Variants in OR56A3 observed in about 807,000 individuals in gnomAD.
The protein encoded by OR56A3 is olfactory receptor family 56 subfamily A member 3.
In OR56A3, 23 loss-of-function variants were observed where a neutral mutation model predicts 17.5. The ratio of observed to expected loss-of-function variants is 1.32; its 90% CI spans 0.95 to 1.87. The LOEUF (loss-of-function observed/expected upper bound fraction) is 1.87. Ranked by LOEUF, OR56A3 falls within the 40% of genes most tolerant of loss-of-function variation. The pLI, the probability that OR56A3 is intolerant of heterozygous loss-of-function variation, is 0.00. For synonymous variants in OR56A3, 175 were observed against 150.6 expected (o/e 1.16, Z -1.19); for missense variants, 366 against 380.1 (o/e 0.96, Z 0.31).
rs1188988929 is a variant in OR56A3 at position 5,944,808 on chromosome 11, G to T, written c.-311G>T. 1 of 152,186 alleles carries T rather than the reference G, an allele frequency of 6.6e-6. No individual in the cohort carries two copies. The highest frequency in any genetic ancestry group is 6.5e-5 in the Admixed American group (1 of 15,280). The allele number at this position is 152,186 out of a possible 1,614,324, so 9.4% of individuals were successfully genotyped here. ...CTAATATACCCTATTATTTACAGGA[G>T]AAAAGAATTGGGAGAATATCTAAAT... On this transcript the variant is annotated splice_region_variant and 5_prime_UTR_variant, in exon 2 of 3. Coordinates refer to ENST00000641160, the MANE Select transcript of OR56A3 (RefSeq NM_001003443.3).
At chr11:5,959,551 T>C in the OR56A3 span, among the ~76,000 whole-genome samples, 1 of 152,226 alleles carries the variant, frequency 6.6e-6, no homozygotes, top group Non-Finnish European at 1.5e-5. Flanking sequence ...TTTTAAACAT[T>C]AATCTTTATC....
the OR56A3 span, among the ~76,000 whole-genome samples, chr11:5,971,019 G>A: frequency 2.0e-5 from 3 of 152,190 alleles, no homozygotes; most frequent in African/African-American, 4.8e-5. Context: ...GGCAAGCCAC[G>A]AGGAGAAGCT....
the OR56A3 span, among the ~76,000 whole-genome samples, chr11:5,961,990 C>A: frequency 6.6e-6 from 1 of 152,084 alleles, no homozygotes; most frequent in Non-Finnish European, 1.5e-5. Flanking sequence ...GGAGAAAAAG[C>A]TTCTAATTTT....
rs2134365964 is a variant in OR56A3 at position 5,951,329 on chromosome 11, A to G, written c.*3035A>G. 1 of 152,172 alleles carries G rather than the reference A, an allele frequency of 6.6e-6. No individual in the cohort carries two copies. The highest frequency in any genetic ancestry group is 2.1e-4 in the South Asian group (1 of 4,828). 9.4% of individuals were successfully genotyped at this position (152,172 alleles called of 1,614,324 possible). A position where few individuals can be genotyped will look rare whatever the true frequency, so the allele number is the denominator to read the frequency against. On this transcript the variant is annotated 3_prime_UTR_variant, in exon 3 of 3. Transcript: ENST00000641160. ...ATAAACATTATTTGTAATTCATTAA[A>G]TTTTTCTTTACATCATTTACACACA...
At chr11:5,963,985 A>G in the OR56A3 span, among the ~76,000 whole-genome samples, 2 of 151,962 alleles carry the variant, frequency 1.3e-5, no homozygotes, top group Non-Finnish European at 2.9e-5. Flanking sequence ...TGCTTCAGCA[A>G]TTCTGTTGTT....
chr11:5,974,410 A>G, the OR56A3 span, among the ~76,000 whole-genome samples: 2 of 152,082 alleles, frequency 1.3e-5, no homozygotes, highest in Non-Finnish European at 2.9e-5. Context: ...TGGCCTCTTT[A>G]TTAAACTCTT....
the OR56A3 span, among the ~76,000 whole-genome samples, chr11:5,983,876 C>T: frequency 5.9e-5 from 9 of 152,026 alleles, no homozygotes; most frequent in South Asian, 2.1e-4. Flanking sequence ...TAAACACTCT[C>T]TTTTTTTGTA....
Position 5,947,998 on chromosome 11 carries a change from A to C in OR56A3, c.652A>C (p.Ile218Leu), listed in dbSNP as rs765047625. The C allele has an allele frequency of 6.2e-7, 1 of 1,614,174 alleles. No homozygotes were observed. The highest frequency in any genetic ancestry group is 1.1e-5 in the South Asian group (1 of 91,086). ...TCTGCTAGGATCTGACCTCATCCTT[A>C]TCTTCCTCTCCTACACCTTCATTCT... Reference protein sequence around the residue: ...WTLLGSDLILIFLSYTFILRA... With the variant: ...WTLLGSDLILLFLSYTFILRA... Residue 218 changes from isoleucine to leucine, a missense_variant, in exon 3 of 3, where the codon ATC becomes CTC. By Grantham distance (5) the Ile-to-Leu change is conservative (BLOSUM62 2). Coordinates refer to ENST00000641160, the MANE Select transcript of OR56A3 (RefSeq NM_001003443.3).
At chr11:5,953,237 T>C (rs1351319210), downstream of OR56A3, among the ~76,000 whole-genome samples, 1 of 152,202 alleles carries the variant, frequency 6.6e-6, no homozygotes, top group Non-Finnish European at 1.5e-5. Flanking sequence ...AACTGCTTTC[T>C]ACAGTGGCTG....
the OR56A3 span, chr11:5,986,995 TA>T: frequency 6.8e-7 from 1 of 1,474,348 alleles, no homozygotes; most frequent in Admixed American, 2.0e-5. Context: ...CTGAGAAGAA[TA>T]AAGTGACTTC....
At chr11:5,968,001 A>C in the OR56A3 span, 1 of 1,591,392 alleles carries the variant, frequency 6.3e-7, no homozygotes, top group Non-Finnish European at 8.6e-7. Flanking sequence ...TCGAGAAGAA[A>C]GTATGGGGAT....
chr11:5,960,291 G>A, the OR56A3 span, among the ~76,000 whole-genome samples: 2 of 146,762 alleles, frequency 1.4e-5, no homozygotes, highest in African/African-American at 5.1e-5. Flanking sequence ...CCCTTTGCAT[G>A]GTCTCCCTCT....
the OR56A3 span, among the ~76,000 whole-genome samples, chr11:5,981,431 T>C: frequency 6.6e-6 from 1 of 152,266 alleles, no homozygotes; most frequent in Non-Finnish European, 1.5e-5. Context: ...TCTGAGATTA[T>C]TTCCTTAGTT....
chr11:5,992,127 T>C, the OR56A3 span, among the ~76,000 whole-genome samples: 2 of 152,222 alleles, frequency 1.3e-5, no homozygotes, highest in African/African-American at 4.8e-5. Flanking sequence ...AGACTTCTCA[T>C]TCTCACGGAA....
chr11:5,976,609 C>T, the OR56A3 span, among the ~76,000 whole-genome samples: 2 of 152,002 alleles, frequency 1.3e-5, no homozygotes, highest in African/African-American at 4.8e-5. Flanking sequence ...AGTTCTTACT[C>T]GGGCTTTATT....
the OR56A3 span, chr11:6,001,007 A>C: frequency 6.6e-6 from 1 of 152,240 alleles, no homozygotes; most frequent in Non-Finnish European, 1.5e-5. Flanking sequence ...TGAAATCTGA[A>C]TTTGCATCCC....
chr11:6,013,454 C>T, the OR56A3 span, among the ~76,000 whole-genome samples: 1 of 152,188 alleles, frequency 6.6e-6, no homozygotes, highest in Non-Finnish European at 1.5e-5. Context: ...TCAGGCCTGG[C>T]AGTCACCCTG....
the OR56A3 span, chr11:6,002,061 T>G: frequency 6.3e-7 from 1 of 1,585,284 alleles, no homozygotes; most frequent in Non-Finnish European, 8.6e-7. Context: ...TTACAACCTC[T>G]TCAGCAGGTT....
the OR56A3 span, among the ~76,000 whole-genome samples, chr11:6,015,672 G>C: frequency 6.6e-6 from 1 of 152,204 alleles, no homozygotes; most frequent in Non-Finnish European, 1.5e-5. Context: ...GGAGTCAAAG[G>C]AGATTATTCT....
Sources: allele counts gnomAD v4.1 joint callset (sites outside exome capture counted in the v4.1 genomes callset), GRCh38; gene constraint gnomAD v4.1.1; transcripts MANE v1.5; gene names NCBI Gene and HGNC (gene_info 2026-07-23, HGNC 2026-07-21).